Variants in PTK2 observed in about 807,000 individuals in gnomAD.
PTK2 encodes protein tyrosine kinase 2, also known as focal adhesion kinase 1.
Under a neutral mutation model 150.1 loss-of-function variants are expected in PTK2, and 45 were observed. The observed-to-expected ratio is 0.30, with a 90% CI of 0.24 to 0.38. The LOEUF (loss-of-function observed/expected upper bound fraction) is 0.38. Ranked by LOEUF, PTK2 falls within the 10% of genes least tolerant of loss-of-function variation. PTK2 has a pLI of 1.00. For missense variants in PTK2, 919 were observed against 1,307.3 expected, an observed-to-expected ratio of 0.70 and a Z score of 4.58; for synonymous variants, 432 against 449.2, an observed-to-expected ratio of 0.96 and a Z score of 0.48.
At chr8:140,772,363 G>T (rs540978473) in intron 14 of PTK2, among the ~76,000 whole-genome samples, 1 of 152,272 alleles carries the variant, frequency 6.6e-6, no homozygotes, top group South Asian at 2.1e-4. Context: ...AGGAGGTAGA[G>T]CCTGGACCAC....
intron 8 of PTK2, among the ~76,000 whole-genome samples, chr8:140,829,984 A>G (rs2100114336): frequency 6.6e-6 from 1 of 152,136 alleles, no homozygotes; most frequent in African/African-American, 2.4e-5. Context: ...TGGGAAGGAT[A>G]AGAACTGAGG....
intron 1 of PTK2, among the ~76,000 whole-genome samples, chr8:140,990,398 C>G (rs913412179): frequency 2.0e-4 from 31 of 152,112 alleles, no homozygotes; most frequent in African/African-American, 6.5e-4. Context: ...CCACACCTGG[C>G]TAATTATTAT....
At chr8:140,857,478 C>G (rs904095837) in intron 5 of PTK2, among the ~76,000 whole-genome samples, 1 of 152,188 alleles carries the variant, frequency 6.6e-6, no homozygotes, top group Non-Finnish European at 1.5e-5. Context: ...AGGATTCCAA[C>G]AGTATTGCTA....
chr8:140,870,591 C>T (rs771144130), intron 4 of PTK2, among the ~76,000 whole-genome samples: 62 of 152,188 alleles, frequency 4.1e-4, no homozygotes, highest in Non-Finnish European at 7.9e-4. Flanking sequence ...ACAGATGTCA[C>T]GGACAAAATC....
chr8:140,691,381 A>C (rs532493363), intron 26 of PTK2, among the ~76,000 whole-genome samples: 7 of 152,352 alleles, frequency 4.6e-5, no homozygotes, highest in African/African-American at 1.7e-4. Flanking sequence ...ATGTAGCAAT[A>C]TGTGATAGCA....
exon 24 of PTK2, chr8:140,706,150 G>A (rs145314554): frequency 4.5e-4 from 724 of 1,612,960 alleles, no homozygotes; most frequent in Non-Finnish European, 5.8e-4. Context: ...CATGTGCTGT[G>A]GGCTGGGATA....
chr8:140,790,274 T>C (rs566340784), intron 13 of PTK2, among the ~76,000 whole-genome samples: 5 of 152,344 alleles, frequency 3.3e-5, no homozygotes, highest in African/African-American at 1.2e-4. Context: ...ATAGGTTGAA[T>C]ATCTCTTATC....
chr8:140,731,975 C>T (rs1206397448), intron 22 of PTK2, among the ~76,000 whole-genome samples: 2 of 152,090 alleles, frequency 1.3e-5, no homozygotes, highest in African/African-American at 4.8e-5. Context: ...AGTCTACTTG[C>T]AAATATTCTT....
chr8:140,745,665 G>A (rs1360757844), intron 18 of PTK2, among the ~76,000 whole-genome samples: 1 of 152,130 alleles, frequency 6.6e-6, no homozygotes, highest in Non-Finnish European at 1.5e-5. Flanking sequence ...CTGTATTCTG[G>A]AGAAAGTGAG....
chr8:140,850,114 T>G (rs2100128276), intron 5 of PTK2, among the ~76,000 whole-genome samples: 1 of 152,054 alleles, frequency 6.6e-6, no homozygotes, highest in Non-Finnish European at 1.5e-5. Flanking sequence ...AAAAGACTTC[T>G]GAAAGTTGGT....
At chr8:140,974,894 T>G (rs1321270797) in intron 1 of PTK2, among the ~76,000 whole-genome samples, 1 of 152,150 alleles carries the variant, frequency 6.6e-6, no homozygotes, top group African/African-American at 2.4e-5. Context: ...CAAAAAGATC[T>G]TCATGAACTC....
rs370537018 is a variant in PTK2, at chr8:140,820,076, G to GTTTTTTT, written c.649-1063_649-1057dup. Among the ~76,000 whole-genome samples the GTTTTTTT allele has an allele frequency of 8.6e-4, 43 of 50,248 alleles. 11 individuals carry two copies. Among genetic ancestry groups the GTTTTTTT allele is most frequent in the Non-Finnish European group, 1.1e-3 (27 of 23,960 alleles). 33.0% of individuals were successfully genotyped at this position (50,248 alleles called of 152,430 possible). ...AGAGGAGTGACTTTATCTGACTTTG[G>GTTTTTTT]TTTTTTTTTTTTTTTTTTTTTTTTT... On this transcript the variant is annotated intron_variant, in intron 8 of 31. Coordinates refer to ENST00000522684, the Ensembl canonical transcript of PTK2.
rs145884957 is a variant in PTK2 at position 140,857,868 on chromosome 8, C to T, written c.450+6444G>A. ...ACTAGGTAGGCCCTCAAGATTTCCA[C>T]ATGTGAAGTTCAACAAAACAAGAGT... On this transcript the variant is annotated intron_variant, in intron 5 of 31. Transcript: ENST00000522684. Among the ~76,000 whole-genome samples the T allele has an allele frequency of 1.8e-3, 280 of 152,226 alleles. 2 individuals carry two copies. The highest frequency in any genetic ancestry group is 6.5e-3 in the African/African-American group (269 of 41,548).
chr8:140,659,824 G>C, intron 31 of PTK2, 146 bp from the exon 36 acceptor site: 3 of 702,334 alleles, frequency 4.3e-6, no homozygotes, highest in Non-Finnish European at 4.7e-6. Flanking sequence ...CCACTAGCTG[G>C]GAACACAGGC....
At chr8:140,840,100 C>T in intron 7 of PTK2, among the ~76,000 whole-genome samples, 1 of 152,122 alleles carries the variant, frequency 6.6e-6, no homozygotes, top group South Asian at 2.1e-4. Flanking sequence ...CCTCTGTTGC[C>T]CAGGCTGGAG....
At chr8:140,815,143 T>G (rs1320086719) in intron 10 of PTK2, among the ~76,000 whole-genome samples, 1 of 151,220 alleles carries the variant, frequency 6.6e-6, no homozygotes, top group Non-Finnish European at 1.5e-5. Flanking sequence ...AGCCAAGACA[T>G]GGAATCAACC....
intron 4 of PTK2, among the ~76,000 whole-genome samples, chr8:140,868,867 A>T (rs978782823): frequency 1.3e-5 from 2 of 152,198 alleles, no homozygotes; most frequent in African/African-American, 4.8e-5. Flanking sequence ...CAACCAGAAA[A>T]GGAACGGTAA....
chr8:140,813,875 G>GA (rs1555122832), intron 10 of PTK2, among the ~76,000 whole-genome samples: 2 of 151,726 alleles, frequency 1.3e-5, no homozygotes, highest in East Asian at 1.9e-4. Context: ...ACCAAGAGTT[G>GA]TTTTTTTAAA....
intron 1 of PTK2, among the ~76,000 whole-genome samples, chr8:140,974,249 AG>A (rs1418390532): frequency 6.6e-6 from 1 of 152,168 alleles, no homozygotes; most frequent in Non-Finnish European, 1.5e-5. Context: ...AGCACGATTT[AG>A]GGATTGTCTT....
Sources: gnomAD v4.1 joint callset for allele counts (sites outside exome capture counted in the v4.1 genomes callset) on GRCh38, gnomAD v4.1.1 for gene constraint, MANE v1.5 for transcripts, NCBI Gene and HGNC (gene_info 2026-07-23, HGNC 2026-07-21) for gene names.